MYO5B: variants seen among roughly 807,000 people sequenced by gnomAD.
MYO5B encodes the protein unconventional myosin-Vb.
Under a neutral mutation model 229.3 loss-of-function variants are expected in MYO5B, and 143 were observed. That is an observed-to-expected ratio of 0.62 (90% CI 0.54 to 0.72). The LOEUF (loss-of-function observed/expected upper bound fraction) is 0.72, where lower values mean the gene tolerates loss of function less well. Among genes scored for constraint, MYO5B ranks in the 30% least tolerant of loss-of-function variants. MYO5B has a pLI of 0.00. For synonymous variants in MYO5B, 918 were observed against 885.2 expected (o/e 1.04, Z -0.66); for missense variants, 2,321 against 2,331.0 (o/e 1.00, Z 0.09).
At chr18:50,180,377 T>C (rs1346450237) in intron 1 of MYO5B, among the ~76,000 whole-genome samples, 1 of 152,196 alleles carries the variant, frequency 6.6e-6, no homozygotes, top group Non-Finnish European at 1.5e-5. Context: ...CTCTTGCTCC[T>C]GGTTTACAGA....
At chr18:49,868,236 T>A (rs1358221770) in intron 27 of MYO5B, among the ~76,000 whole-genome samples, 1 of 152,198 alleles carries the variant, frequency 6.6e-6, no homozygotes, top group African/African-American at 2.4e-5. Context: ...TCTTGTATTT[T>A]AAAATTTTTC....
intron 17 of MYO5B, among the ~76,000 whole-genome samples, chr18:49,916,370 A>C (rs2025014167): frequency 6.6e-6 from 1 of 152,196 alleles, no homozygotes; most frequent in Non-Finnish European, 1.5e-5. Flanking sequence ...CGGCAGTGCG[A>C]CTGGGGCCAG....
At chr18:50,194,442 G>C (rs2033270978) in intron 1 of MYO5B, among the ~76,000 whole-genome samples, 1 of 152,164 alleles carries the variant, frequency 6.6e-6, no homozygotes, top group African/African-American at 2.4e-5. Context: ...GCCGTTCGGG[G>C]AACTCGGTTG....
chr18:50,176,714 T>C (rs1298572019), intron 1 of MYO5B, among the ~76,000 whole-genome samples: 1 of 152,246 alleles, frequency 6.6e-6, no homozygotes, highest in Non-Finnish European at 1.5e-5. Flanking sequence ...ATTGTTGTCG[T>C]GATAATTAAA....
Position 49,843,341 on chromosome 18 carries a change from A to C in MYO5B, c.4511T>G (p.Ile1504Ser), listed in dbSNP as rs1954990127. 2 of 1,614,154 alleles carry C rather than the reference A, an allele frequency of 1.2e-6. No homozygotes were observed. Among genetic ancestry groups the C allele is most frequent in the African/African-American group, 1.3e-5 (1 of 75,056 alleles). ...SGTVPCLPAY[I>S]LYMCIRHADY... ...CGCGTGCCGGATGCACATGTAGAGG[A>C]TGTAGGCGGGGAGACAGGGCACTGT... The change falls in exon 34 of 40, where the codon ATC (isoleucine) becomes AGC (serine). Residue 1504 changes from isoleucine (I) to serine (S), a missense_variant. Physicochemically the swap from Ile to Ser is moderately radical, Grantham distance 142 (BLOSUM62 -2). This residue lies in a region of MYO5B where 2,113 missense variants were observed against 2,044.7 expected (regional missense o/e 1.03). Coordinates refer to ENST00000285039, the MANE Select transcript of MYO5B (RefSeq NM_001080467.3).
intron 13 of MYO5B, among the ~76,000 whole-genome samples, chr18:49,953,737 C>T (rs984881181): frequency 1.3e-5 from 2 of 152,140 alleles, no homozygotes; most frequent in Admixed American, 6.5e-5. Flanking sequence ...AAATTCTATG[C>T]ACCCACCAGC....
chr18:50,102,321 C>T (rs1349189957), intron 1 of MYO5B, among the ~76,000 whole-genome samples: 1 of 151,880 alleles, frequency 6.6e-6, no homozygotes, highest in African/African-American at 2.4e-5. Flanking sequence ...TGTAACAAAC[C>T]TGTACGTTCT....
At position 50,103,775 on chromosome 18, in the gene MYO5B, CA is replaced by C. The variant is rs1353115275; in HGVS notation, c.28-48398del. ...CCCCACCAAAACAAAAAACAGATTC[CA>C]AACACCTAGGAACTCTAACATCATA... On this transcript the variant is annotated intron_variant, in intron 1 of 39. Coordinates refer to ENST00000285039, the MANE Select transcript of MYO5B (RefSeq NM_001080467.3). Among the ~76,000 whole-genome samples, 4 of 151,806 alleles carry C rather than the reference CA, an allele frequency of 2.6e-5. No individual in the cohort carries two copies. In the East Asian group the frequency reaches 7.8e-4, roughly 30 times the overall value.
intron 9 of MYO5B, among the ~76,000 whole-genome samples, chr18:49,977,429 A>G (rs1299030442): frequency 2.0e-5 from 3 of 152,164 alleles, no homozygotes; most frequent in African/African-American, 7.2e-5. Flanking sequence ...GTATGGAAAG[A>G]CAGCCTTTCC....
At chr18:49,925,097 T>C (rs1311370609) in intron 17 of MYO5B, among the ~76,000 whole-genome samples, 2 of 152,220 alleles carry the variant, frequency 1.3e-5, no homozygotes, top group South Asian at 2.1e-4. Flanking sequence ...TGCCTCATTA[T>C]ACCCTCCTCC....
At chr18:49,841,495 C>T (rs758753013) in intron 34 of MYO5B, 41 bp from the exon 35 acceptor site, 2 of 1,553,228 alleles carry the variant, frequency 1.3e-6, no homozygotes, top group Admixed American at 3.3e-5. Context: ...AAGTGGCTCC[C>T]ATCTGGTGAA....
At chr18:49,899,590 A>C (rs1342078875) in intron 21 of MYO5B, among the ~76,000 whole-genome samples, 1 of 152,252 alleles carries the variant, frequency 6.6e-6, no homozygotes, top group Non-Finnish European at 1.5e-5. Flanking sequence ...CCAGCCTGAC[A>C]GGTTTCAATC....
At chr18:49,974,779 T>TCACACACA (rs111420791) in intron 9 of MYO5B, among the ~76,000 whole-genome samples, 164 bp from the exon 10 acceptor site, 48 of 117,120 alleles carry the variant, frequency 4.1e-4, no homozygotes, top group South Asian at 1.4e-3. Context: ...GCAGTCTCTC[T>TCACACACA]CACACACACA....
At chr18:49,897,277 G>T (rs960591807) in intron 21 of MYO5B, among the ~76,000 whole-genome samples, 5 of 152,172 alleles carry the variant, frequency 3.3e-5, no homozygotes, top group Admixed American at 1.3e-4. Flanking sequence ...CACACCCTCG[G>T]AGACCCCAGA....
intron 22 of MYO5B, 164 bp from the exon 23 acceptor site, chr18:49,880,619 A>G: frequency 3.0e-6 from 2 of 672,054 alleles, no homozygotes; most frequent in Non-Finnish European, 2.7e-6. Flanking sequence ...GTACTGAAAG[A>G]AAAATCCCAT....
chr18:50,001,317 C>T lies in MYO5B; in HGVS notation c.550G>A (p.Gly184Ser), dbSNP rs1219892326. 6.2e-7 allele frequency: 1 copy of T among 1,614,204 alleles called. No homozygotes were observed. Among genetic ancestry groups the T allele is most frequent in the Non-Finnish European group, 8.5e-7 (1 of 1,180,028 alleles). Residue 184 changes from glycine to serine, a missense_variant, in exon 5 of 40, where the codon GGT becomes AGT. By Grantham distance (56) the Gly-to-Ser change is moderately conservative. Around this residue, in one of 2 missense-constraint regions of MYO5B, gnomAD observed 2,113 missense variants for 2,044.7 expected, o/e 1.03. Coordinates refer to ENST00000285039, the MANE Select transcript of MYO5B (RefSeq NM_001080467.3). ...KYAMRYFATV[G>S]GSASETNIEE... is the part of the protein sequence containing the mutation. ...ATGTTGGTTTCACTGGCCGAGCCACCAACGGTGGCGAAATAGCGCATGGCA... is the reference window on the plus strand; with the variant it reads ...ATGTTGGTTTCACTGGCCGAGCCACTAACGGTGGCGAAATAGCGCATGGCA...
intron 4 of MYO5B, among the ~76,000 whole-genome samples, chr18:50,027,387 C>T (rs530225960): frequency 6.6e-6 from 1 of 152,248 alleles, no homozygotes; most frequent in Non-Finnish European, 1.5e-5. Flanking sequence ...TTCAGTGCTC[C>T]AATACTTGAG....
chr18:50,130,697 T>C (rs1378992607), intron 1 of MYO5B, among the ~76,000 whole-genome samples: 1 of 152,196 alleles, frequency 6.6e-6, no homozygotes, highest in African/African-American at 2.4e-5. Flanking sequence ...ACAAGCCAGT[T>C]AGAACGGTTC....
intron 10 of MYO5B, among the ~76,000 whole-genome samples, chr18:49,964,254 C>G (rs1291981779): frequency 1.3e-5 from 2 of 152,144 alleles, no homozygotes; most frequent in Non-Finnish European, 2.9e-5. Context: ...GTGTCTTGTT[C>G]TTCTAATACT....
Sources: gnomAD v4.1 joint callset for allele counts (sites outside exome capture counted in the v4.1 genomes callset) on GRCh38, gnomAD v4.1.1 for gene constraint, gnomAD v4.1.1 regional missense constraint, MANE v1.5 for transcripts, NCBI Gene and HGNC (gene_info 2026-07-23, HGNC 2026-07-21) for gene names.